Variants in PRAG1 observed in about 807,000 individuals in gnomAD.
PRAG1 encodes the protein inactive tyrosine-protein kinase PRAG1.
A neutral mutation model predicts 95.6 loss-of-function variants in PRAG1; 110 were observed. The ratio of observed to expected loss-of-function variants is 1.15; its 90% CI spans 0.99 to 1.35. The LOEUF is 1.35. Ranked by LOEUF, PRAG1 falls within the 40% of genes most tolerant of loss-of-function variation. The pLI is 0.00. For synonymous variants in PRAG1, 1,052 were observed against 819.4 expected (o/e 1.28, Z -4.85); for missense variants, 2,554 against 1,864.7 (o/e 1.37, Z -6.81).
In PRAG1 at chr8:8,318,622, C is replaced by A; in HGVS notation, c.3753G>T (p.Lys1251Asn). Residue 1251 changes from lysine (K) to asparagine (N), a missense_variant, in exon 6 of 6, where the codon AAG becomes AAT. By Grantham distance (94) the Lys-to-Asn change is moderately conservative. Coordinates refer to ENST00000615670, the MANE Select transcript of PRAG1 (RefSeq NM_001080826.3). This position sits in a 1 kb window ranked among gnomAD's most constrained non-coding sequence, Gnocchi z 4.2. ...PEIVSASQYR[K>N]FDEFQTGILI... is the part of the protein sequence containing the mutation. The stretch of plus-strand genomic sequence containing the variant: ...GGATGCCTGTCTGGAACTCATCGAA[C>A]TTGCGGTACTGGGAAGCAGACACGA... The A allele has an allele frequency of 6.2e-7, 1 of 1,612,876 alleles. No individual in the cohort carries two copies.
chr8:8,331,861 G>C (rs75809600), intron 4 of PRAG1, among the ~76,000 whole-genome samples: 164 of 152,308 alleles, frequency 1.1e-3, no homozygotes, highest in Non-Finnish European at 1.9e-3. Context: ...TCACTACTTG[G>C]GTAAATCTGA....
intron 4 of PRAG1, among the ~76,000 whole-genome samples, chr8:8,333,644 A>C (rs1433625912): frequency 1.3e-5 from 2 of 152,206 alleles, no homozygotes; most frequent in Non-Finnish European, 1.5e-5. Flanking sequence ...TGTTCTCTGC[A>C]GCCAAAATGA....
chr8:8,384,496 G>C (rs570014928), intron 1 of PRAG1, among the ~76,000 whole-genome samples: 2 of 146,310 alleles, frequency 1.4e-5, no homozygotes, highest in Non-Finnish European at 3.0e-5. Context: ...GGAAGTCATT[G>C]AATAAGAAAA....
rs549457992 is a variant in PRAG1 at position 8,346,738 on chromosome 8, C to G, written c.2163-7103G>C. Reference sequence around the variant, plus strand: ...CAGCAGAGAGTGAATCTCACACTTTCCATGGCTGTTAAAATCCTCATATGA... The same window carrying G: ...CAGCAGAGAGTGAATCTCACACTTTGCATGGCTGTTAAAATCCTCATATGA... On this transcript the variant is annotated intron_variant, in intron 3 of 5. Coordinates refer to ENST00000615670, the MANE Select transcript of PRAG1 (RefSeq NM_001080826.3). Among the ~76,000 whole-genome samples the G allele has an allele frequency of 2.0e-5, 3 of 152,322 alleles. No individual in the cohort carries two copies. The South Asian group carries it at 6.2e-4, about 32-fold the overall frequency.
At chr8:8,325,773 G>A (rs1585219380) in intron 5 of PRAG1, among the ~76,000 whole-genome samples, 1 of 152,068 alleles carries the variant, frequency 6.6e-6, no homozygotes, top group East Asian at 1.9e-4. Flanking sequence ...GCCAGGCGTG[G>A]TGAGGGGGCG....
Position 8,377,032 on chromosome 8 carries a change from C to A in PRAG1, c.1377G>T (p.Trp459Cys). The A allele has an allele frequency of 6.2e-7, 1 of 1,613,976 alleles. No homozygotes were observed. Among genetic ancestry groups the A allele is most frequent in the East Asian group, 2.2e-5 (1 of 44,882 alleles). ...GAGTTGGGTCTGGGCTGTCCCGGCC[C>A]CAGCCAGATGCTGCTTTCTGGGCCC... Reference protein sequence around the residue: ...NAWAQKAASGWGRDSPDPTPQ... With the variant: ...NAWAQKAASGCGRDSPDPTPQ... Residue 459 changes from tryptophan (W) to cysteine (C), a missense_variant, in exon 3 of 6, where the codon TGG (tryptophan) becomes TGT (cysteine). Physicochemically the swap from Trp to Cys is radical, Grantham distance 215 (BLOSUM62 -2). Coordinates refer to ENST00000615670, the MANE Select transcript of PRAG1 (RefSeq NM_001080826.3).
chr8:8,375,498 C>T (rs1008793893), intron 3 of PRAG1, among the ~76,000 whole-genome samples: 26 of 152,110 alleles, frequency 1.7e-4, no homozygotes, highest in Non-Finnish European at 4.4e-5. Context: ...CCACGCCCAG[C>T]CCCATTTTTT....
At position 8,381,700 on chromosome 8, in the gene PRAG1, C is replaced by T. The variant is rs745643377; in HGVS notation, c.48G>A (p.Ala16=). The T allele has an allele frequency of 6.9e-5, 111 of 1,607,934 alleles. No individual in the cohort carries two copies. The highest frequency in any genetic ancestry group is 8.8e-5 in the Non-Finnish European group (103 of 1,175,264). ...CLNPESLKMS[A]CSDFVEHIWK... ...AGATGTGCTCCACAAAGTCACTGCA[C>T]GCAGACATTTTCAGGCTCTCGGGGT... The change falls in exon 2 of 6, where the codon GCG becomes GCA. Residue 16 remains alanine, a synonymous_variant. Coordinates refer to ENST00000615670, the MANE Select transcript of PRAG1 (RefSeq NM_001080826.3).
chr8:8,323,277 C>G (rs1028861887), intron 5 of PRAG1, among the ~76,000 whole-genome samples: 15 of 151,360 alleles, frequency 9.9e-5, no homozygotes, highest in Non-Finnish European at 1.8e-4. Context: ...TGAGTGAGTT[C>G]TCATGAGATC....
chr8:8,367,909 G>A (rs990174528), intron 3 of PRAG1, among the ~76,000 whole-genome samples: 4 of 152,136 alleles, frequency 2.6e-5, no homozygotes, highest in Non-Finnish European at 4.4e-5. Flanking sequence ...CCAAAATGCT[G>A]GGATTACAGG....
chr8:8,375,858 C>T (rs1800367099), intron 3 of PRAG1, among the ~76,000 whole-genome samples: 2 of 152,010 alleles, frequency 1.3e-5, no homozygotes, highest in African/African-American at 2.4e-5. Context: ...CTCCTTTTGC[C>T]CTCTTTTGCA....
In PRAG1 at chr8:8,377,999, C is replaced by T. The variant is rs1430691120; in HGVS notation, c.410G>A (p.Arg137Gln). The T allele has an allele frequency of 6.2e-6, 10 of 1,603,512 alleles. No homozygotes were observed. The highest frequency in any genetic ancestry group is 4.5e-5 in the East Asian group (2 of 44,724). Residue 137 changes from arginine (R) to glutamine (Q), a missense_variant, in exon 3 of 6, where the codon CGA becomes CAA. Coordinates refer to ENST00000615670, the MANE Select transcript of PRAG1 (RefSeq NM_001080826.3). Reference protein sequence around the residue: ...DAPVVYLGSFRGVQKPAGPST... With the variant: ...DAPVVYLGSFQGVQKPAGPST... The stretch of plus-strand genomic sequence containing the variant: ...GGGACCAGCAGGCTTCTGTACACCT[C>T]GGAAGCTGCCCAGGTAGACGACGGG...
At chr8:8,336,880 T>TC (rs1798999218) in intron 4 of PRAG1, among the ~76,000 whole-genome samples, 12 of 130,684 alleles carry the variant, frequency 9.2e-5, no homozygotes, top group East Asian at 2.6e-4. Flanking sequence ...ACTAAAACCT[T>TC]CCCCCCACTC....
chr8:8,381,751 G>A lies in PRAG1; in HGVS notation c.-4C>T. ...TCAGGCAGAGGGTCTGGTGCATCTT[G>A]AGCCGACAGGGTGCTGGTTCATCTT... On this transcript the variant is annotated 5_prime_UTR_variant, in exon 2 of 6. Coordinates refer to ENST00000615670, the MANE Select transcript of PRAG1 (RefSeq NM_001080826.3). 1 of 1,570,860 alleles carries A rather than the reference G, an allele frequency of 6.4e-7. No individual in the cohort carries two copies. The highest frequency in any genetic ancestry group is 8.7e-7 in the Non-Finnish European group (1 of 1,154,002).
chr8:8,320,752 G>A (rs766803048), intron 5 of PRAG1, among the ~76,000 whole-genome samples: 12 of 152,226 alleles, frequency 7.9e-5, no homozygotes, highest in Non-Finnish European at 1.5e-4. Context: ...TGATGATGAA[G>A]CAGTGTTTTT....
chr8:8,334,621 T>C (rs1798928698), intron 4 of PRAG1, among the ~76,000 whole-genome samples: 1 of 150,338 alleles, frequency 6.7e-6, no homozygotes, highest in South Asian at 2.1e-4. Flanking sequence ...GTGATTTACA[T>C]GCGAAAGAAG....
chr8:8,381,455 A>G lies in PRAG1; in HGVS notation c.293T>C (p.Val98Ala). The change falls in exon 2 of 6, where the codon GTG (valine) becomes GCG (alanine). Residue 98 changes from valine to alanine, a missense_variant. Transcript: ENST00000615670. ...PTMMSSEASDVWTEANLSAEV... is the reference protein window; with the variant it reads ...PTMMSSEASDAWTEANLSAEV... Reference sequence around the variant, plus strand: ...GGCACTCAGGTTGGCCTCTGTCCACACATCAGAGGCCTCGGAGCTCATCAT... The same window carrying G: ...GGCACTCAGGTTGGCCTCTGTCCACGCATCAGAGGCCTCGGAGCTCATCAT... The G allele has an allele frequency of 1.2e-6, 2 of 1,613,760 alleles. No homozygotes were observed. Among genetic ancestry groups the G allele is most frequent in the Non-Finnish European group, 1.7e-6 (2 of 1,179,654 alleles).
At chr8:8,335,305 C>A (rs896943393) in intron 4 of PRAG1, among the ~76,000 whole-genome samples, 1 of 151,974 alleles carries the variant, frequency 6.6e-6, no homozygotes, top group Admixed American at 6.6e-5. Flanking sequence ...GGATTTATAA[C>A]CAAATAATAT....
rs369845533 is a variant in PRAG1, at chr8:8,318,474, G to C, written c.3901C>G (p.Gln1301Glu). The C allele has an allele frequency of 8.7e-6, 14 of 1,612,066 alleles. No individual in the cohort carries two copies. Among genetic ancestry groups the C allele is most frequent in the Non-Finnish European group, 1.2e-5 (14 of 1,179,794 alleles). The change falls in exon 6 of 6, where the codon CAG becomes GAG. Residue 1301 changes from glutamine to glutamate, a missense_variant. Gln to Glu is a conservative substitution (Grantham distance 29). Transcript: ENST00000615670. The surrounding 1 kb of genome is among the most constrained non-coding windows in gnomAD (Gnocchi z 4.2). ...TCCAGTAGCAGATGTGCCAGCTGCT[G>C]CAGGCCGGGTGAGTAGAGGGACAGC... The part of the protein sequence containing the change: ...PALSLYSPGL[Q>E]QLAHLLLEAD...
Sources: gnomAD v4.1 joint callset for allele counts (sites outside exome capture counted in the v4.1 genomes callset) on GRCh38, gnomAD v4.1.1 for gene constraint, Gnocchi (gnomAD v3.1) non-coding constraint, MANE v1.5 for transcripts, NCBI Gene and HGNC (gene_info 2026-07-23, HGNC 2026-07-21) for gene names.